The following TP53BP1 variants were observed in gnomAD, a reference collection of about 807,000 sequenced individuals.
The protein encoded by TP53BP1 is TP53-binding protein 1.
Under a neutral mutation model 200.8 loss-of-function variants are expected in TP53BP1, and 61 were observed. The observed-to-expected ratio is 0.30, with a 90% CI of 0.25 to 0.38. The LOEUF (loss-of-function observed/expected upper bound fraction) is 0.38. TP53BP1 is among the 10% of genes least tolerant of loss of function. The pLI is 1.00. For missense variants in TP53BP1, 2,144 were observed against 2,371.9 expected (o/e 0.90, Z 2.00); for synonymous variants, 822 against 844.3 (o/e 0.97, Z 0.46).
At chr15:43,470,484 T>G (rs894643926) in intron 10 of TP53BP1, among the ~76,000 whole-genome samples, 2 of 152,214 alleles carry the variant, frequency 1.3e-5, no homozygotes, top group African/African-American at 4.8e-5. Flanking sequence ...TTTAGGTAAA[T>G]ACAGTATCTA....
In TP53BP1 at chr15:43,407,938, G is replaced by C; in HGVS notation, c.5746+5C>G. 1.2e-6 allele frequency: 2 copies of C among 1,610,274 alleles called. No individual in the cohort carries two copies. Among genetic ancestry groups the C allele is most frequent in the Non-Finnish European group, 1.7e-6 (2 of 1,179,492 alleles). On this transcript the variant is annotated splice_donor_5th_base_variant and intron_variant, in intron 27 of 27. Coordinates refer to ENST00000382044, the MANE Select transcript of TP53BP1 (RefSeq NM_001141980.3). ...CAAAGACACTACACACACTCTTTCA[G>C]GTACCTTTGTTATGGGCACTTGAAT...
At position 43,477,716 on chromosome 15, in the gene TP53BP1, T is replaced by A. The variant is rs376508339; in HGVS notation, c.832A>T (p.Met278Leu). The change falls in exon 8 of 28, where the codon ATG (methionine) becomes TTG (leucine). Residue 278 changes from methionine to leucine, a missense_variant. Physicochemically the swap from Met to Leu is conservative, Grantham distance 15. Around this residue, in one of 4 missense-constraint regions of TP53BP1, gnomAD observed 1,700 missense variants for 1,710.3 expected, o/e 0.99. Transcript: ENST00000382044. ...PFSPKASVAA[M>L]EAKEQLSAQE... is the part of the protein sequence containing the mutation. ...GCAGACAACTGTTCTTTTGCTTCCATAGCAGCAACAGATGCTTTGGGGCTA... is the reference window on the plus strand; with the variant it reads ...GCAGACAACTGTTCTTTTGCTTCCAAAGCAGCAACAGATGCTTTGGGGCTA... 13 of 1,612,616 alleles carry A rather than the reference T, an allele frequency of 8.1e-6. No homozygotes were observed. In the South Asian group the frequency reaches 1.4e-4, roughly 18 times the overall value.
chr15:43,475,034 A>G (rs1030590288), intron 9 of TP53BP1, among the ~76,000 whole-genome samples: 1 of 152,252 alleles, frequency 6.6e-6, no homozygotes, highest in Non-Finnish European at 1.5e-5. Flanking sequence ...CAAGGACATC[A>G]TGATTTAAAA....
At chr15:43,416,798 T>TAA (rs2045275861) in intron 21 of TP53BP1, 1 of 164,176 alleles carries the variant, frequency 6.1e-6, no homozygotes, top group African/African-American at 2.4e-5. Flanking sequence ...GGCTGAGTAG[T>TAA]AAGTCTTGAG....
At chr15:43,484,702 T>A (rs2079020896) in intron 4 of TP53BP1, among the ~76,000 whole-genome samples, 1 of 152,058 alleles carries the variant, frequency 6.6e-6, no homozygotes, top group Non-Finnish European at 1.5e-5. Context: ...CCATTCTCCA[T>A]GCATGGATTA....
intron 24 of TP53BP1, chr15:43,412,757 G>A (rs1389288478): frequency 2.1e-6 from 1 of 473,180 alleles, no homozygotes; most frequent in Non-Finnish European, 4.4e-6. Flanking sequence ...GACTTGGATG[G>A]TTGCAGTAGG....
At position 43,422,000 on chromosome 15, in the gene TP53BP1, G is replaced by C. The variant is rs28903076; in HGVS notation, c.3955C>G (p.Arg1319Gly). 2 of 1,614,054 alleles carry C rather than the reference G, an allele frequency of 1.2e-6. No homozygotes were observed. Among genetic ancestry groups the C allele is most frequent in the East Asian group, 2.2e-5 (1 of 44,884 alleles). The change falls in exon 19 of 28, where the codon CGC (arginine) becomes GGC (glycine). Residue 1319 changes from arginine (R) to glycine (G), a missense_variant. Arg to Gly is a moderately radical substitution (Grantham distance 125). This residue lies in a region of TP53BP1 where 1,700 missense variants were observed against 1,710.3 expected (regional missense o/e 0.99). Transcript: ENST00000382044. The part of the protein sequence containing the change: ...SFSSKASSLH[R>G]TSSGTSLSAM... ...GAGAGACTTGTCCCACTTGATGTGC[G>C]GTGTAAGCTGGATGCCTTGGAGGAG...
rs2045764454 is a variant in TP53BP1, at chr15:43,435,222, T to TACTGC, written c.3192-2550_3192-2546dup. ...AGGTTGCAGTGAGCCAAGATCGCCC[T>TACTGC]ACTGCACTTCCAGCCTGGGTGACAC... On this transcript the variant is annotated intron_variant, in intron 16 of 27. Coordinates refer to ENST00000382044, the MANE Select transcript of TP53BP1 (RefSeq NM_001141980.3). Among the ~76,000 whole-genome samples, 4 of 123,082 alleles carry TACTGC rather than the reference T, an allele frequency of 3.2e-5. No individual in the cohort carries two copies. The South Asian group carries it at 1.0e-3, about 32-fold the overall frequency. 80.7% of individuals were successfully genotyped at this position (123,082 alleles called of 152,430 possible). A position where few individuals can be genotyped will look rare whatever the true frequency, so the allele number is the denominator to read the frequency against.
chr15:43,412,011 T>C (rs1299496912), intron 24 of TP53BP1, among the ~76,000 whole-genome samples: 3 of 152,174 alleles, frequency 2.0e-5, no homozygotes, highest in Admixed American at 6.5e-5. Context: ...CCAATTTTCC[T>C]GTCCAGGAAA....
chr15:43,412,971 G>A, intron 24 of TP53BP1, 148 bp downstream of exon 24: 1 of 722,652 alleles, frequency 1.4e-6, no homozygotes, highest in South Asian at 1.8e-5. Context: ...TTAAAAAGCA[G>A]GATACAGAGT....
rs1327367822 is a variant in TP53BP1, at chr15:43,457,196, C to G, written c.1412G>C (p.Ser471Thr). 2 of 1,609,088 alleles carry G rather than the reference C, an allele frequency of 1.2e-6. No individual in the cohort carries two copies. Among genetic ancestry groups the G allele is most frequent in the African/African-American group, 2.7e-5 (2 of 74,688 alleles). ...FSHDIFIPSP[S>T]LEEQSNDGKK... ...CCCATCATTTGATTGTTCTTCCAGA[C>G]TTGGGGAAGGAATAAAAATGTCCTA... Residue 471 changes from serine to threonine, a missense_variant, in exon 12 of 28, where the codon AGT (serine) becomes ACT (threonine). Coordinates refer to ENST00000382044, the MANE Select transcript of TP53BP1 (RefSeq NM_001141980.3).
At chr15:43,435,267 CAAAAAAAAAAA>C (rs377275791) in intron 16 of TP53BP1, among the ~76,000 whole-genome samples, 4 of 55,698 alleles carry the variant, frequency 7.2e-5, no homozygotes, top group Non-Finnish European at 8.8e-5. Context: ...GACCCCATCT[CAAAAAAAAAAA>C]AAAAAAAAAA....
In TP53BP1 at chr15:43,408,927, T is replaced by A. The variant is rs1172680861; in HGVS notation, c.5570A>T (p.Tyr1857Phe). ...CAGAATTCTTTGCTCCTCAAGGCTGTACCCAGCTGGCAACAGATAATTACG... is the reference window on the plus strand; with the variant it reads ...CAGAATTCTTTGCTCCTCAAGGCTGAACCCAGCTGGCAACAGATAATTACG... ...NYRNYLLPAGYSLEEQRILDW... is the reference protein window; with the variant it reads ...NYRNYLLPAGFSLEEQRILDW... The change falls in exon 26 of 28, where the codon TAC becomes TTC. Residue 1857 changes from tyrosine to phenylalanine, a missense_variant. Physicochemically the swap from Tyr to Phe is conservative, Grantham distance 22. Coordinates refer to ENST00000382044, the MANE Select transcript of TP53BP1 (RefSeq NM_001141980.3). The A allele has an allele frequency of 1.9e-6, 3 of 1,614,220 alleles. No homozygotes were observed. The highest frequency in any genetic ancestry group is 1.7e-5 in the Admixed American group (1 of 60,026).
Position 43,407,288 on chromosome 15 carries a change from G to T in TP53BP1, c.*95C>A. On this transcript the variant is annotated 3_prime_UTR_variant, in exon 28 of 28. Transcript: ENST00000382044. ...AAATAAAACTATATACAAGATCCAT[G>T]CAAGGAATCCAGTTACACACAAGAC... is the stretch of plus-strand genomic sequence containing the variant. 2.9e-6 allele frequency: 3 copies of T among 1,039,028 alleles called. No individual in the cohort carries two copies. Among genetic ancestry groups the T allele is most frequent in the Non-Finnish European group, 4.3e-6 (3 of 692,790 alleles). The allele number at this position is 1,039,028 out of a possible 1,614,324, so 64.4% of individuals were successfully genotyped here.
intron 26 of TP53BP1, 62 bp from the exon 27 acceptor site, chr15:43,408,150 G>A (rs2044981261): frequency 6.6e-7 from 1 of 1,523,990 alleles, no homozygotes; most frequent in South Asian, 1.2e-5. Context: ...CTGCCTTTCT[G>A]CAAAGGGACT....
At chr15:43,408,544 C>T (rs1277550642) in intron 26 of TP53BP1, 1 of 312,800 alleles carries the variant, frequency 3.2e-6, no homozygotes, top group Non-Finnish European at 6.1e-6. Flanking sequence ...GATCTGTATT[C>T]CTTGCATTCC....
chr15:43,422,855 C>A (rs555802055), intron 18 of TP53BP1, among the ~76,000 whole-genome samples: 3 of 151,596 alleles, frequency 2.0e-5, no homozygotes, highest in Admixed American at 2.0e-4. Context: ...ATTAGCCAGG[C>A]GTGGGAGTGC....
At chr15:43,503,879 G>A (rs529638691) in intron 1 of TP53BP1, among the ~76,000 whole-genome samples, 24 of 152,270 alleles carry the variant, frequency 1.6e-4, no homozygotes, top group Admixed American at 1.1e-3. Flanking sequence ...GGTTGGTTCC[G>A]TACTGAACAT....
At chr15:43,422,356 C>A (rs1187454838) in intron 18 of TP53BP1, among the ~76,000 whole-genome samples, 1 of 151,360 alleles carries the variant, frequency 6.6e-6, no homozygotes, top group African/African-American at 2.4e-5. Flanking sequence ...TTTTTTCTCC[C>A]CCAGGTGATT....
Sources: allele counts gnomAD v4.1 joint callset (sites outside exome capture counted in the v4.1 genomes callset), GRCh38; gene constraint gnomAD v4.1.1; regional missense constraint gnomAD v4.1.1; transcripts MANE v1.5; gene names NCBI Gene and HGNC (gene_info 2026-07-23, HGNC 2026-07-21).